GALNT17: variants seen among roughly 807,000 people sequenced by gnomAD.
GALNT17 encodes UDP-GalNAc:polypeptide N-acetylgalactosaminyltransferase-like 3.
A neutral mutation model predicts 63.7 loss-of-function variants in GALNT17; 29 were observed. That is an observed-to-expected ratio of 0.46 (90% CI 0.34 to 0.62). The LOEUF is 0.62. GALNT17 is among the 20% of genes least tolerant of loss of function. The pLI is 0.01. For synonymous variants in GALNT17, 305 were observed against 318.3 expected (o/e 0.96, Z 0.45); for missense variants, 603 against 799.6 (o/e 0.75, Z 2.97).
Position 71,712,394 on chromosome 7 carries a change from T to G in GALNT17, c.*248T>G, listed in dbSNP as rs1263320104. 1 of 384,682 alleles carries G rather than the reference T, an allele frequency of 2.6e-6. No individual in the cohort carries two copies. Among genetic ancestry groups the G allele is most frequent in the African/African-American group, 2.1e-5 (1 of 48,010 alleles). The allele number at this position is 384,682 out of a possible 1,614,324, so 23.8% of individuals were successfully genotyped here. On this transcript the variant is annotated 3_prime_UTR_variant, in exon 11 of 11. Transcript: ENST00000333538. ...CCTTCCTCTGGGAAACTGACAGCTG[T>G]CTTCCACAGCCTCTGATGTGGACCT...
intron 1 of GALNT17, among the ~76,000 whole-genome samples, chr7:71,249,484 T>A (rs1433466954): frequency 6.6e-6 from 1 of 152,210 alleles, no homozygotes. Flanking sequence ...ACAGATTGTA[T>A]TTAAAAGCAT....
chr7:71,168,269 T>C, intron 1 of GALNT17, among the ~76,000 whole-genome samples: 1 of 152,132 alleles, frequency 6.6e-6, no homozygotes, highest in Non-Finnish European at 1.5e-5. Flanking sequence ...TCCAACTTTG[T>C]ATTTTAACAT....
chr7:71,474,410 C>A (rs1465380625), intron 5 of GALNT17, among the ~76,000 whole-genome samples: 1 of 152,134 alleles, frequency 6.6e-6, no homozygotes, highest in African/African-American at 2.4e-5. Flanking sequence ...TTATTTTACC[C>A]AGCCCCTATT....
chr7:71,450,371 A>T (rs1787239421), intron 5 of GALNT17, among the ~76,000 whole-genome samples: 1 of 151,944 alleles, frequency 6.6e-6, no homozygotes, highest in African/African-American at 2.4e-5. Context: ...ACCTCAAGTG[A>T]TCCACCTGTG....
rs141102219 is a variant in GALNT17, at chr7:71,279,425, G to A, written c.239-56125G>A. On this transcript the variant is annotated intron_variant, in intron 1 of 10. Coordinates refer to ENST00000333538, the MANE Select transcript of GALNT17 (RefSeq NM_022479.3). ...CTCCCATGACATGTGGGGATTATGG[G>A]AATTAAAATTCAAGATGAGATTTTG... Among the ~76,000 whole-genome samples, 313 of 151,792 alleles carry A rather than the reference G, an allele frequency of 2.1e-3. 1 individual carries two copies. Among genetic ancestry groups the A allele is most frequent in the Admixed American group, 5.7e-3 (87 of 15,226 alleles).
At chr7:71,144,291 A>T (rs1368206157) in intron 1 of GALNT17, among the ~76,000 whole-genome samples, 1 of 152,002 alleles carries the variant, frequency 6.6e-6, no homozygotes, top group Non-Finnish European at 1.5e-5. Flanking sequence ...ATCCACCAGC[A>T]ACCCCCGAGG....
At chr7:71,468,969 A>G (rs770749074) in intron 5 of GALNT17, among the ~76,000 whole-genome samples, 2 of 152,136 alleles carry the variant, frequency 1.3e-5, no homozygotes, top group African/African-American at 2.4e-5. Context: ...TTGGTGGGGG[A>G]CAGAAACGTT....
intron 1 of GALNT17, among the ~76,000 whole-genome samples, chr7:71,179,248 A>G (rs1292528019): frequency 6.6e-5 from 10 of 152,208 alleles, no homozygotes; most frequent in Non-Finnish European, 2.9e-5. Context: ...ACTCAAAAGA[A>G]TGCAACCATT....
chr7:71,333,600 T>A (rs1259061010), intron 1 of GALNT17, among the ~76,000 whole-genome samples: 1 of 152,074 alleles, frequency 6.6e-6, no homozygotes, highest in Non-Finnish European at 1.5e-5. Flanking sequence ...GGAGTGCAGC[T>A]GTGGGATTTT....
At chr7:71,642,921 T>C (rs1279536277) in intron 6 of GALNT17, among the ~76,000 whole-genome samples, 2 of 152,206 alleles carry the variant, frequency 1.3e-5, no homozygotes, top group South Asian at 2.1e-4. Flanking sequence ...GCCCTGCCTG[T>C]CATTAAATCT....
At chr7:71,549,946 C>T (rs1789048644) in intron 5 of GALNT17, among the ~76,000 whole-genome samples, 1 of 151,336 alleles carries the variant, frequency 6.6e-6, no homozygotes, top group African/African-American at 2.4e-5. Flanking sequence ...CATGTTTCAA[C>T]CTAAAACCGT....
chr7:71,685,395 C>T (rs1251187509), intron 9 of GALNT17: 1 of 152,232 alleles, frequency 6.6e-6, no homozygotes. Flanking sequence ...GTAACCGCCT[C>T]TTCCAAAGTC....
At chr7:71,665,631 A>G (rs1273435886) in intron 7 of GALNT17, 35 bp downstream of exon 7, 3 of 1,589,024 alleles carry the variant, frequency 1.9e-6, no homozygotes, top group Non-Finnish European at 2.6e-6. Flanking sequence ...CCACCCCAGT[A>G]CAGTGATCCT....
intron 5 of GALNT17, among the ~76,000 whole-genome samples, chr7:71,471,026 G>T (rs991241234): frequency 2.6e-5 from 4 of 151,922 alleles, no homozygotes; most frequent in African/African-American, 9.7e-5. Flanking sequence ...TTTCTTCTTA[G>T]CCTGCATTCT....
At chr7:71,291,213 G>T (rs538537999) in intron 1 of GALNT17, among the ~76,000 whole-genome samples, 1 of 152,164 alleles carries the variant, frequency 6.6e-6, no homozygotes, top group South Asian at 2.1e-4. Flanking sequence ...TAGCAGAGTC[G>T]TTAATTTGTA....
At chr7:71,270,398 G>A (rs183760125) in intron 1 of GALNT17, among the ~76,000 whole-genome samples, 2 of 152,012 alleles carry the variant, frequency 1.3e-5, no homozygotes, top group African/African-American at 4.8e-5. Flanking sequence ...GGTGGTGGGC[G>A]CTTGTAATCC....
intron 5 of GALNT17, among the ~76,000 whole-genome samples, chr7:71,535,421 A>G (rs765971100): frequency 2.6e-5 from 4 of 152,174 alleles, no homozygotes; most frequent in Non-Finnish European, 5.9e-5. Context: ...TCTTTGTTCC[A>G]TGATGTGACC....
intron 9 of GALNT17, among the ~76,000 whole-genome samples, chr7:71,709,241 A>T (rs1791758567): frequency 6.6e-6 from 1 of 152,102 alleles, no homozygotes; most frequent in Admixed American, 6.5e-5. Context: ...TGACTTTTTA[A>T]TGATAGCCAT....
chr7:71,332,765 C>G (rs1791829132), intron 1 of GALNT17, among the ~76,000 whole-genome samples: 1 of 152,138 alleles, frequency 6.6e-6, no homozygotes, highest in African/African-American at 2.4e-5. Flanking sequence ...AGTCTTGGCT[C>G]ACTGCAACCT....
Sources: gnomAD v4.1 joint callset for allele counts (sites outside exome capture counted in the v4.1 genomes callset) on GRCh38, gnomAD v4.1.1 for gene constraint, MANE v1.5 for transcripts, NCBI Gene and HGNC (gene_info 2026-07-23, HGNC 2026-07-21) for gene names.